PDZRN3: variants seen among roughly 807,000 people sequenced by gnomAD.
The protein encoded by PDZRN3 is PDZ domain containing ring finger 3.
PDZRN3 carries 38 observed loss-of-function variants against 85.7 expected under a neutral mutation model. The ratio of observed to expected loss-of-function variants is 0.44; its 90% CI spans 0.34 to 0.58. The LOEUF (loss-of-function observed/expected upper bound fraction) is 0.58, where lower values mean the gene tolerates loss of function less well. Among genes scored for constraint, PDZRN3 ranks in the 20% least tolerant of loss-of-function variants. PDZRN3 has a pLI of 0.01. For synonymous variants in PDZRN3, 759 were observed against 638.0 expected (o/e 1.19, Z -2.86); for missense variants, 1,629 against 1,506.4 (o/e 1.08, Z -1.35).
At chr3:73,396,159 G>A (rs1290773890) in intron 5 of PDZRN3, among the ~76,000 whole-genome samples, 1 of 152,184 alleles carries the variant, frequency 6.6e-6, no homozygotes, top group Non-Finnish European at 1.5e-5. Flanking sequence ...GGCGGCTGCG[G>A]TGAGCCAAGA....
chr3:73,424,664 A>AAGAAGAGGAAAAATCCAACAG (rs569426915), intron 3 of PDZRN3, among the ~76,000 whole-genome samples: 1 of 152,102 alleles, frequency 6.6e-6, no homozygotes, highest in Admixed American at 6.5e-5. Context: ...ACAACCAGGG[A>AAGAAGAGGAAAAATCCAACAG]AGAAGAGGAA....
intron 3 of PDZRN3, among the ~76,000 whole-genome samples, chr3:73,596,087 G>A (rs1702426858): frequency 6.6e-6 from 1 of 152,106 alleles, no homozygotes; most frequent in South Asian, 2.1e-4. Context: ...GTGCCAGGAA[G>A]TAGGAAAGTG....
Position 73,533,234 on chromosome 3 carries a change from G to A in PDZRN3, c.918+69120C>T, listed in dbSNP as rs560292499. Among the ~76,000 whole-genome samples, 7 of 152,136 alleles carry A rather than the reference G, an allele frequency of 4.6e-5. No individual in the cohort carries two copies. In the East Asian group the frequency reaches 5.8e-4, roughly 13 times the overall value. On this transcript the variant is annotated intron_variant, in intron 3 of 9. Coordinates refer to ENST00000263666, the MANE Select transcript of PDZRN3 (RefSeq NM_015009.3). ...ATCAAGTTTCCATATTGTTTATGGC[G>A]AAAGTTAAGGCAAAAGCAACTGAAT...
At chr3:73,611,993 G>A (rs931714308) in intron 1 of PDZRN3, among the ~76,000 whole-genome samples, 1 of 152,104 alleles carries the variant, frequency 6.6e-6, no homozygotes, top group Non-Finnish European at 1.5e-5. Flanking sequence ...CTGCTTTCCC[G>A]ACTGTTCACA....
At chr3:73,619,354 G>A (rs1484916015) in intron 1 of PDZRN3, among the ~76,000 whole-genome samples, 7 of 152,166 alleles carry the variant, frequency 4.6e-5, no homozygotes, top group Non-Finnish European at 8.8e-5. Flanking sequence ...CACTTATTTA[G>A]TTACAGCTAT....
At chr3:73,617,268 T>C (rs1208114934) in intron 1 of PDZRN3, among the ~76,000 whole-genome samples, 1 of 152,212 alleles carries the variant, frequency 6.6e-6, no homozygotes, top group Non-Finnish European at 1.5e-5. Flanking sequence ...AATATATGGA[T>C]GGAATGAGTG....
intron 3 of PDZRN3, among the ~76,000 whole-genome samples, chr3:73,452,839 CTGTGTGTG>C (rs35308043): frequency 2.1e-5 from 3 of 140,614 alleles, no homozygotes; most frequent in East Asian, 2.1e-4. Context: ...GTCCATATAT[CTGTGTGTG>C]TGTGTGTGTG....
chr3:73,510,248 C>T (rs776312377), intron 3 of PDZRN3, among the ~76,000 whole-genome samples: 8 of 152,150 alleles, frequency 5.3e-5, no homozygotes, highest in African/African-American at 1.2e-4. Flanking sequence ...AACTCAAGCA[C>T]GACCGTAATA....
At chr3:73,446,867 G>C (rs900327209) in intron 3 of PDZRN3, among the ~76,000 whole-genome samples, 1 of 151,798 alleles carries the variant, frequency 6.6e-6, no homozygotes, top group African/African-American at 2.4e-5. Flanking sequence ...CTCGTGACTT[G>C]TGTATTCTGT....
chr3:73,445,481 T>C (rs937423755), intron 3 of PDZRN3, among the ~76,000 whole-genome samples: 3 of 152,200 alleles, frequency 2.0e-5, no homozygotes, highest in Admixed American at 6.5e-5. Flanking sequence ...CACTGCAAAG[T>C]GAGGCTTCAT....
chr3:73,456,184 ATG>A (rs10608893), intron 3 of PDZRN3, among the ~76,000 whole-genome samples: 2,107 of 150,726 alleles, frequency 0.014, 45 homozygotes, highest in African/African-American at 0.045. Context: ...GAGAAGAAAA[ATG>A]TGTGTGTGTG....
intron 3 of PDZRN3, among the ~76,000 whole-genome samples, chr3:73,405,295 T>A (rs539375408): frequency 1.3e-5 from 2 of 152,282 alleles, no homozygotes; most frequent in Non-Finnish European, 2.9e-5. Context: ...TAAGATGAAA[T>A]AGAAATCAGA....
chr3:73,606,884 G>A (rs2106902767), intron 2 of PDZRN3, among the ~76,000 whole-genome samples: 1 of 152,296 alleles, frequency 6.6e-6, no homozygotes, highest in Non-Finnish European at 1.5e-5. Context: ...ATCTCTTTGT[G>A]TCATTCCCTT....
intron 3 of PDZRN3, among the ~76,000 whole-genome samples, chr3:73,496,065 G>C (rs888214877): frequency 1.3e-5 from 2 of 150,538 alleles, no homozygotes; most frequent in Admixed American, 6.6e-5. Flanking sequence ...GAAAGACTAA[G>C]TCTCAAGTCA....
chr3:73,387,487 C>G (rs1220463236), intron 8 of PDZRN3, among the ~76,000 whole-genome samples: 2 of 152,198 alleles, frequency 1.3e-5, no homozygotes, highest in Non-Finnish European at 2.9e-5. Context: ...GAAGGCTCTC[C>G]TGTGTGTAAA....
chr3:73,469,942 A>G (rs1449753992), intron 3 of PDZRN3, among the ~76,000 whole-genome samples: 2 of 151,858 alleles, frequency 1.3e-5, no homozygotes, highest in African/African-American at 4.8e-5. Context: ...AGTTAGTTCA[A>G]TGTGCTGTAC....
chr3:73,559,751 G>C (rs1252979170), intron 3 of PDZRN3, among the ~76,000 whole-genome samples: 1 of 152,218 alleles, frequency 6.6e-6, no homozygotes, highest in Non-Finnish European at 1.5e-5. Context: ...GATAGTAGAA[G>C]GATGGATGGT....
chr3:73,404,726 C>T (rs893752379), intron 3 of PDZRN3, among the ~76,000 whole-genome samples: 17 of 152,186 alleles, frequency 1.1e-4, no homozygotes, highest in South Asian at 6.2e-4. Context: ...CTTTATCAGG[C>T]AATAATAGCT....
chr3:73,539,469 G>A (rs926218426), intron 3 of PDZRN3, among the ~76,000 whole-genome samples: 7 of 152,140 alleles, frequency 4.6e-5, no homozygotes, highest in African/African-American at 1.4e-4. Flanking sequence ...TGCACTAATA[G>A]AACACAGAAG....
Sources: allele counts gnomAD v4.1 joint callset (sites outside exome capture counted in the v4.1 genomes callset), GRCh38; gene constraint gnomAD v4.1.1; transcripts MANE v1.5; gene names NCBI Gene and HGNC (gene_info 2026-07-23, HGNC 2026-07-21).